Variants in GPAT3 observed in about 807,000 individuals in gnomAD.
GPAT3 encodes the protein glycerol-3-phosphate acyltransferase 3, also known as 1-AGP acyltransferase 9.
In GPAT3, 53 loss-of-function variants were observed where a neutral mutation model predicts 58.8. That is an observed-to-expected ratio of 0.90 (90% confidence interval 0.72 to 1.13). The LOEUF (loss-of-function observed/expected upper bound fraction) is 1.13, where lower values mean the gene tolerates loss of function less well. Among genes scored for constraint, GPAT3 ranks in the 50% most tolerant of loss-of-function variants. The pLI is 0.00. For missense variants in GPAT3, 511 were observed against 527.6 expected, an observed-to-expected ratio of 0.97 and a Z score of 0.31; for synonymous variants, 197 against 187.4, an observed-to-expected ratio of 1.05 and a Z score of -0.42.
intron 2 of GPAT3, among the ~76,000 whole-genome samples, chr4:83,560,522 G>C (rs906283048): frequency 4.6e-5 from 7 of 152,166 alleles, no homozygotes; most frequent in African/African-American, 7.2e-5. Context: ...GGATGCAGGG[G>C]ATACTGAGGA....
intron 2 of GPAT3, among the ~76,000 whole-genome samples, chr4:83,547,400 C>T (rs887927092): frequency 6.6e-6 from 1 of 151,418 alleles, no homozygotes; most frequent in Non-Finnish European, 1.5e-5. Flanking sequence ...CTACAGGTGC[C>T]CGCCACCACG....
Position 83,574,070 on chromosome 4 carries a change from A to C in GPAT3, c.209-7492A>C, listed in dbSNP as rs560730615. Among the ~76,000 whole-genome samples the C allele has an allele frequency of 2.6e-5, 4 of 152,326 alleles. No homozygotes were observed. In the South Asian group the frequency reaches 6.2e-4, roughly 24 times the overall value. On this transcript the variant is annotated intron_variant, in intron 2 of 11. Transcript: ENST00000264409. ...GTGATCACCTGTTTTTAAGTGAGTT[A>C]GGCTTATGACTGGGTGGGGTTCTTG...
intron 11 of GPAT3, among the ~76,000 whole-genome samples, chr4:83,602,622 G>A (rs1172847119): frequency 1.3e-5 from 2 of 152,124 alleles, no homozygotes; most frequent in African/African-American, 4.8e-5. Flanking sequence ...CTAAGGGGTG[G>A]CAAATCACAG....
chr4:83,556,765 TTCTCA>T (rs1423848742), intron 2 of GPAT3, among the ~76,000 whole-genome samples: 2 of 151,860 alleles, frequency 1.3e-5, no homozygotes, highest in African/African-American at 4.8e-5. Flanking sequence ...GAACTAGATT[TTCTCA>T]TCTACGGTTC....
rs113312748 is a variant in GPAT3, at chr4:83,543,471, C to T, written c.142-1065C>T. Among the ~76,000 whole-genome samples, 1,100 of 152,188 alleles carry T rather than the reference C, an allele frequency of 7.2e-3. 16 individuals are homozygous for T. The highest frequency in any genetic ancestry group is 0.025 in the African/African-American group (1,031 of 41,524). ...AAAATAAAAAAATCACATCTGGGTA[C>T]GTTTCTTTATACTCCTAGGTATATT... is the stretch of plus-strand genomic sequence containing the variant. On this transcript the variant is annotated intron_variant, in intron 1 of 11. Coordinates refer to ENST00000264409, the MANE Select transcript of GPAT3 (RefSeq NM_032717.5).
At chr4:83,567,740 T>A (rs947137311) in intron 2 of GPAT3, among the ~76,000 whole-genome samples, 4 of 152,140 alleles carry the variant, frequency 2.6e-5, no homozygotes, top group Admixed American at 2.0e-4. Flanking sequence ...AAGACCAGCC[T>A]GGGCAACATG....
intron 2 of GPAT3, among the ~76,000 whole-genome samples, chr4:83,571,723 CATATATATATATACACGCAT>C (rs1372236596): frequency 3.6e-4 from 36 of 100,906 alleles, no homozygotes; most frequent in Non-Finnish European, 7.0e-4. Context: ...TATACACACA[CATATATATATATACACGCAT>C]ATATATATAT....
chr4:83,579,026 CTTTCT>C (rs1725958793), intron 2 of GPAT3, among the ~76,000 whole-genome samples: 1 of 14,522 alleles, frequency 6.9e-5, no homozygotes, highest in Non-Finnish European at 1.5e-4. Flanking sequence ...CCCTTTCTTT[CTTTCT>C]TTCTTTCTTT....
At chr4:83,547,194 G>A (rs1173930711) in intron 2 of GPAT3, among the ~76,000 whole-genome samples, 8 of 151,250 alleles carry the variant, frequency 5.3e-5, no homozygotes, top group Admixed American at 3.3e-4. Flanking sequence ...TTGAGGAGCT[G>A]AGAGGGAGAG....
At position 83,536,303 on chromosome 4, in the gene GPAT3, C is replaced by G; in HGVS notation, c.-320C>G. On this transcript the variant is annotated 5_prime_UTR_variant, in exon 1 of 12. Coordinates refer to ENST00000264409, the MANE Select transcript of GPAT3 (RefSeq NM_032717.5). ...CTGCGCTCGCGCGCTCTGCCCGCGCCGCGGTGTGCCTCCGCTTACCCGCAG... is the reference window on the plus strand; with the variant it reads ...CTGCGCTCGCGCGCTCTGCCCGCGCGGCGGTGTGCCTCCGCTTACCCGCAG... The G allele has an allele frequency of 9.3e-7, 1 of 1,075,708 alleles. No individual in the cohort carries two copies. Among genetic ancestry groups the G allele is most frequent in the Non-Finnish European group, 1.1e-6 (1 of 888,608 alleles). The allele number at this position is 1,075,708 out of a possible 1,614,324, so 66.6% of individuals were successfully genotyped here.
At chr4:83,583,370 T>C (rs1379410034) in intron 3 of GPAT3, among the ~76,000 whole-genome samples, 1 of 151,404 alleles carries the variant, frequency 6.6e-6, no homozygotes, top group East Asian at 2.0e-4. Context: ...TCTGTTTTCA[T>C]TCTTAAAAAG....
intron 2 of GPAT3, among the ~76,000 whole-genome samples, chr4:83,544,999 G>A (rs1050056724): frequency 6.6e-6 from 1 of 152,060 alleles, no homozygotes; most frequent in Non-Finnish European, 1.5e-5. Context: ...GTTCCTCAAA[G>A]TACTCTTTTC....
intron 11 of GPAT3, 124 bp from the exon 12 acceptor site, chr4:83,604,544 T>A (rs768397307): frequency 7.4e-5 from 49 of 661,870 alleles, no homozygotes; most frequent in Non-Finnish European, 1.0e-4. Flanking sequence ...AATCCAGTGT[T>A]CTTTCCCTTA....
intron 11 of GPAT3, among the ~76,000 whole-genome samples, chr4:83,603,218 A>G (rs1426915536): frequency 1.3e-5 from 2 of 152,254 alleles, no homozygotes; most frequent in East Asian, 3.8e-4. Flanking sequence ...ACTTTAGATT[A>G]GGAGCCAGAT....
At chr4:83,588,082 A>G in intron 4 of GPAT3, 128 bp from the exon 5 acceptor site, 1 of 702,804 alleles carries the variant, frequency 1.4e-6, no homozygotes, top group East Asian at 2.7e-5. Flanking sequence ...GACTATAAGA[A>G]TTGAACTGTA....
At chr4:83,574,804 A>C (rs1725734307) in intron 2 of GPAT3, among the ~76,000 whole-genome samples, 1 of 149,100 alleles carries the variant, frequency 6.7e-6, no homozygotes, top group Non-Finnish European at 1.5e-5. Flanking sequence ...GTGTCAGCTA[A>C]TCTGATATGT....
intron 11 of GPAT3, among the ~76,000 whole-genome samples, chr4:83,601,317 A>G (rs1380900060): frequency 1.3e-5 from 2 of 152,236 alleles, no homozygotes; most frequent in Admixed American, 1.3e-4. Flanking sequence ...TCCATTATGC[A>G]AGGGTGGGGA....
upstream of GPAT3, chr4:83,535,677 T>G (rs1578152158): frequency 2.0e-6 from 2 of 984,444 alleles, no homozygotes; most frequent in Non-Finnish European, 2.4e-6. Flanking sequence ...AGGCAACGCG[T>G]GGAGAGAGCT....
chr4:83,551,791 C>CG (rs1724759502), intron 2 of GPAT3, among the ~76,000 whole-genome samples: 17 of 60,960 alleles, frequency 2.8e-4, no homozygotes, highest in African/African-American at 7.6e-4. Context: ...GACTCCATCT[C>CG]GGAAAAAAAA....
Sources: gnomAD v4.1 joint callset for allele counts (sites outside exome capture counted in the v4.1 genomes callset) on GRCh38, gnomAD v4.1.1 for gene constraint, MANE v1.5 for transcripts, NCBI Gene and HGNC (gene_info 2026-07-23, HGNC 2026-07-21) for gene names.